Variants in VIPR2 observed in about 807,000 individuals in gnomAD.
VIPR2 encodes vasoactive intestinal peptide receptor 2.
VIPR2 carries 48 observed loss-of-function variants against 58.0 expected under a neutral mutation model. The observed-to-expected ratio is 0.83, with a 90% confidence interval of 0.66 to 1.05. The LOEUF is 1.05. VIPR2 is among the 50% of genes least tolerant of loss of function. VIPR2 has a pLI of 0.00. For missense variants in VIPR2, 534 were observed against 558.0 expected, an observed-to-expected ratio of 0.96 and a Z score of 0.43; for synonymous variants, 243 against 235.2, an observed-to-expected ratio of 1.03 and a Z score of -0.30.
intron 4 of VIPR2, among the ~76,000 whole-genome samples, chr7:159,082,273 T>C (rs186374589): frequency 0.024 from 3,721 of 152,260 alleles, 76 homozygotes; most frequent in Admixed American, 0.051. Flanking sequence ...CACCATGGAA[T>C]ACTATGCAGC....
At chr7:159,142,566 T>C (rs1180250758) in intron 1 of VIPR2, 21 bp from the exon 2 acceptor site, 2 of 1,556,498 alleles carry the variant, frequency 1.3e-6, no homozygotes, top group South Asian at 2.3e-5. Context: ...TTAAAAGAAA[T>C]ATTAATAACT....
At chr7:159,115,634 G>A (rs1274478827) in intron 2 of VIPR2, among the ~76,000 whole-genome samples, 6 of 152,238 alleles carry the variant, frequency 3.9e-5, no homozygotes, top group Admixed American at 3.9e-4. Context: ...ACAGCAAGGT[G>A]TGTCACCACT....
At chr7:159,094,351 A>G (rs570952452) in intron 4 of VIPR2, among the ~76,000 whole-genome samples, 349 of 152,300 alleles carry the variant, frequency 2.3e-3, no homozygotes, top group African/African-American at 8.0e-3. Flanking sequence ...AGGCCCAAGG[A>G]AAGTTGAGCC....
At chr7:159,111,491 C>A (rs781578867) in intron 2 of VIPR2, among the ~76,000 whole-genome samples, 6 of 151,784 alleles carry the variant, frequency 4.0e-5, no homozygotes, top group Non-Finnish European at 8.8e-5. Context: ...AACAGCCTGG[C>A]CAACATGGTG....
In VIPR2 at chr7:159,138,076, C is replaced by T. The variant is rs963542813; in HGVS notation, c.151+4370G>A. ...TGCCTTGAATATCTGCTGAGGACCA[C>T]GAACAGCGAGCTCCCACCAGAGCTC... On this transcript the variant is annotated intron_variant, in intron 2 of 12. Coordinates refer to ENST00000262178, the MANE Select transcript of VIPR2 (RefSeq NM_003382.5). Among the ~76,000 whole-genome samples, 7 of 152,350 alleles carry T rather than the reference C, an allele frequency of 4.6e-5. No individual in the cohort carries two copies. In the East Asian group the frequency reaches 7.7e-4, roughly 17 times the overall value.
At chr7:159,035,534 C>T (rs541322054) in intron 8 of VIPR2, among the ~76,000 whole-genome samples, 7 of 152,326 alleles carry the variant, frequency 4.6e-5, no homozygotes, top group South Asian at 2.1e-4. Flanking sequence ...AGTGGAAAAG[C>T]GCTCTGGGCC....
chr7:159,072,694 C>A (rs1856468781), intron 4 of VIPR2, among the ~76,000 whole-genome samples: 1 of 152,108 alleles, frequency 6.6e-6, no homozygotes, highest in Non-Finnish European at 1.5e-5. Flanking sequence ...GGTTGGCACA[C>A]AGGAATACTC....
intron 4 of VIPR2, among the ~76,000 whole-genome samples, chr7:159,074,121 G>A (rs1034099857): frequency 2.0e-5 from 3 of 152,180 alleles, no homozygotes; most frequent in Non-Finnish European, 4.4e-5. Context: ...GATCATGTAA[G>A]TCCATACTCA....
intron 4 of VIPR2, among the ~76,000 whole-genome samples, chr7:159,067,403 G>C (rs1470617193): frequency 1.3e-5 from 2 of 152,184 alleles, no homozygotes; most frequent in African/African-American, 4.8e-5. Context: ...AACTTATAAA[G>C]CATGATCTAT....
chr7:159,049,695 G>C (rs1854870103), intron 5 of VIPR2, among the ~76,000 whole-genome samples: 1 of 152,234 alleles, frequency 6.6e-6, no homozygotes, highest in African/African-American at 2.4e-5. Context: ...CAGTGGCCAA[G>C]GGCGAGTACT....
At chr7:159,105,963 C>T (rs1165931880) in intron 3 of VIPR2, among the ~76,000 whole-genome samples, 1 of 152,226 alleles carries the variant, frequency 6.6e-6, no homozygotes, top group African/African-American at 2.4e-5. Context: ...TTAATCCTGA[C>T]ACCACAGGAG....
At chr7:159,079,182 C>T (rs947610326) in intron 4 of VIPR2, among the ~76,000 whole-genome samples, 5 of 152,130 alleles carry the variant, frequency 3.3e-5, no homozygotes, top group Admixed American at 6.5e-5. Flanking sequence ...CGGCTCCACC[C>T]GCTCAGTGAG....
chr7:159,054,560 A>C (rs1855192196), intron 5 of VIPR2, among the ~76,000 whole-genome samples: 1 of 152,232 alleles, frequency 6.6e-6, no homozygotes, highest in South Asian at 2.1e-4. Context: ...AAAATGTATG[A>C]ACTCATTTTC....
intron 2 of VIPR2, among the ~76,000 whole-genome samples, chr7:159,130,401 AC>A (rs1039361916): frequency 6.6e-6 from 1 of 152,138 alleles, no homozygotes; most frequent in African/African-American, 2.4e-5. Context: ...TTCCCCAGTT[AC>A]CCCTGCAGAT....
At chr7:159,033,900 C>T (rs1853741852) in intron 10 of VIPR2, among the ~76,000 whole-genome samples, 2 of 152,220 alleles carry the variant, frequency 1.3e-5, no homozygotes, top group African/African-American at 4.8e-5. Flanking sequence ...TGGTGCCTGA[C>T]TTCCACAGTT....
rs897542498 is a variant in VIPR2 at position 159,104,732 on chromosome 7, G to A, written c.260-878C>T. ...CCCTCACCACCGACGGTGACTGGGTGCCCCACCCAGTTCCTGACAGCACCC... is the reference window on the plus strand; with the variant it reads ...CCCTCACCACCGACGGTGACTGGGTACCCCACCCAGTTCCTGACAGCACCC... On this transcript the variant is annotated intron_variant, in intron 3 of 12. Transcript: ENST00000262178. Among the ~76,000 whole-genome samples the A allele has an allele frequency of 2.0e-5, 3 of 149,538 alleles. No homozygotes were observed. In the East Asian group the frequency reaches 6.0e-4, roughly 30 times the overall value.
intron 2 of VIPR2, among the ~76,000 whole-genome samples, chr7:159,114,333 C>T (rs143677009): frequency 4.0e-4 from 60 of 151,606 alleles, no homozygotes; most frequent in African/African-American, 1.3e-3. Flanking sequence ...CACTTGGAGA[C>T]GCCTGTCTGT....
chr7:159,065,482 C>T (rs1483014014), intron 4 of VIPR2, among the ~76,000 whole-genome samples: 1 of 152,206 alleles, frequency 6.6e-6, no homozygotes, highest in East Asian at 1.9e-4. Flanking sequence ...CACAGGGCTC[C>T]GTGACTGCCC....
At chr7:159,083,654 C>T (rs895624282) in intron 4 of VIPR2, among the ~76,000 whole-genome samples, 1 of 152,224 alleles carries the variant, frequency 6.6e-6, no homozygotes, top group African/African-American at 2.4e-5. Context: ...CATGCACAGC[C>T]CCGTTCTCTC....
Sources: allele counts gnomAD v4.1 joint callset (sites outside exome capture counted in the v4.1 genomes callset), GRCh38; gene constraint gnomAD v4.1.1; transcripts MANE v1.5; gene names NCBI Gene and HGNC (gene_info 2026-07-23, HGNC 2026-07-21).